Variants in TMC1 observed in about 807,000 individuals in gnomAD.
The protein encoded by TMC1 is transmembrane channel-like protein 1.
TMC1 carries 84 observed loss-of-function variants against 105.8 expected under a neutral mutation model. The ratio of observed to expected loss-of-function variants is 0.79; its 90% CI spans 0.67 to 0.95. The LOEUF (loss-of-function observed/expected upper bound fraction) is 0.95. Ranked by LOEUF, TMC1 falls within the 40% of genes least tolerant of loss-of-function variation. TMC1 has a pLI of 0.00. For synonymous variants in TMC1, 315 were observed against 311.5 expected (o/e 1.01, Z -0.12); for missense variants, 817 against 914.1 (o/e 0.89, Z 1.37).
chr9:72,709,999 G>C (rs1449041586), intron 8 of TMC1, among the ~76,000 whole-genome samples: 1 of 151,974 alleles, frequency 6.6e-6, no homozygotes, highest in Non-Finnish European at 1.5e-5. Context: ...TTAATGCTAT[G>C]AACTTTTAGC....
At position 72,627,884 on chromosome 9, in the gene TMC1, A is replaced by G. The variant is rs905124830; in HGVS notation, c.-195-37A>G. The G allele has an allele frequency of 2.4e-5, 9 of 374,300 alleles. No homozygotes were observed. The Admixed American group carries it at 3.3e-4, about 14-fold the overall frequency. 23.2% of individuals were successfully genotyped at this position (374,300 alleles called of 1,614,324 possible). ...AGTTGAAAAGGTACTATTATTTTTA[A>G]AAATCTGTATTGGATTTTTTTTTTT... On this transcript the variant is annotated intron_variant, in intron 3 of 23. Coordinates refer to ENST00000297784, the MANE Select transcript of TMC1 (RefSeq NM_138691.3).
intron 1 of TMC1, among the ~76,000 whole-genome samples, chr9:72,542,238 A>T (rs887521347): frequency 1.3e-5 from 2 of 152,092 alleles, no homozygotes; most frequent in South Asian, 2.1e-4. Flanking sequence ...AGGTGGGAGG[A>T]TCACCTGAGG....
At chr9:72,575,089 T>A (rs1019500020) in intron 1 of TMC1, among the ~76,000 whole-genome samples, 1 of 152,232 alleles carries the variant, frequency 6.6e-6, no homozygotes, top group African/African-American at 2.4e-5. Context: ...TCCATCTTTC[T>A]ACTTATATAG....
At chr9:72,780,425 G>A (rs2118152298) in intron 13 of TMC1, among the ~76,000 whole-genome samples, 1 of 152,248 alleles carries the variant, frequency 6.6e-6, no homozygotes, top group African/African-American at 2.4e-5. Context: ...AACCTTAAAT[G>A]TAAACGGGCT....
chr9:72,549,443 G>GT lies in TMC1; in HGVS notation c.-428+27540dup, dbSNP rs911845896. Among the ~76,000 whole-genome samples the GT allele has an allele frequency of 9.3e-3, 1,367 of 147,586 alleles. 10 individuals carry two copies. The highest frequency in any genetic ancestry group is 0.024 in the African/African-American group (947 of 40,294). On this transcript the variant is annotated intron_variant, in intron 1 of 23. Coordinates refer to ENST00000297784, the MANE Select transcript of TMC1 (RefSeq NM_138691.3). ...AGTCTAGCCATATTAAATTTTATGTGTTTTTTTTTTCTTTTTTGAGACTGA... is the reference window on the plus strand; with the variant it reads ...AGTCTAGCCATATTAAATTTTATGTGTTTTTTTTTTTCTTTTTTGAGACTGA...
At chr9:72,793,909 C>G (rs1828319555) in intron 17 of TMC1, among the ~76,000 whole-genome samples, 1 of 152,128 alleles carries the variant, frequency 6.6e-6, no homozygotes, top group Non-Finnish European at 1.5e-5. Flanking sequence ...TGGACAGGAT[C>G]CCCAGGGGCA....
chr9:72,550,525 G>C (rs1823843741), intron 1 of TMC1, among the ~76,000 whole-genome samples: 1 of 150,928 alleles, frequency 6.6e-6, no homozygotes, highest in African/African-American at 2.4e-5. Context: ...GGGCAAGCTG[G>C]CGGGCGCCTG....
Position 72,702,595 on chromosome 9 carries a change from G to C in TMC1, c.362+1952G>C, listed in dbSNP as rs78563028. Among the ~76,000 whole-genome samples the C allele has an allele frequency of 5.0e-3, 754 of 152,130 alleles. 3 individuals carry two copies. Among genetic ancestry groups the C allele is most frequent in the South Asian group, 0.015 (72 of 4,798 alleles). On this transcript the variant is annotated intron_variant, in intron 8 of 23. Coordinates refer to ENST00000297784, the MANE Select transcript of TMC1 (RefSeq NM_138691.3). ...ATGCCCAATTCCTGAAGGGTGACAAGAGAGATGGAGAGAATTTGGGACCTG... is the reference window on the plus strand; with the variant it reads ...ATGCCCAATTCCTGAAGGGTGACAACAGAGATGGAGAGAATTTGGGACCTG...
intron 3 of TMC1, among the ~76,000 whole-genome samples, chr9:72,623,690 C>T (rs6560303): frequency 0.56 from 85,281 of 151,868 alleles, 25,258 homozygotes; most frequent in African/African-American, 0.77. Context: ...GCTGTTAGTG[C>T]TGTGTGTATT....
chr9:72,825,640 G>T (rs994944568), intron 20 of TMC1, among the ~76,000 whole-genome samples: 1 of 152,160 alleles, frequency 6.6e-6, no homozygotes, highest in Non-Finnish European at 1.5e-5. Context: ...GGAGAAGGGA[G>T]GATAGATGGT....
chr9:72,728,129 T>G (rs1463187100), intron 8 of TMC1, among the ~76,000 whole-genome samples: 1 of 152,110 alleles, frequency 6.6e-6, no homozygotes, highest in Non-Finnish European at 1.5e-5. Flanking sequence ...TATATCCCTC[T>G]TATTCATGGG....
chr9:72,640,365 C>G (rs56209285), intron 4 of TMC1, among the ~76,000 whole-genome samples: 15,555 of 152,212 alleles, frequency 0.1, 827 homozygotes, highest in Non-Finnish European at 0.13. Context: ...TGCAAAGGCT[C>G]CAGTGTAGTC....
rs141939285 is a variant in TMC1, at chr9:72,592,146, T to C, written c.-306+14123T>C. 1.2e-3 allele frequency among the ~76,000 whole-genome samples: 180 copies of C among 152,296 alleles called. 3 individuals are homozygous for C. In the East Asian group the frequency reaches 0.033, roughly 28 times the overall value. ...AGGGTAAAGGACAACTCCAGGACTC[T>C]TACAGTTTTCTGAATTTCACAACTA... On this transcript the variant is annotated intron_variant, in intron 2 of 23. Coordinates refer to ENST00000297784, the MANE Select transcript of TMC1 (RefSeq NM_138691.3).
chr9:72,551,487 C>T (rs965133038), intron 1 of TMC1, among the ~76,000 whole-genome samples: 1 of 152,198 alleles, frequency 6.6e-6, no homozygotes, highest in Non-Finnish European at 1.5e-5. Flanking sequence ...CTCCTTCCCC[C>T]TGTTGAGTTG....
chr9:72,723,618 A>G (rs753632572), intron 8 of TMC1, among the ~76,000 whole-genome samples: 1 of 152,214 alleles, frequency 6.6e-6, no homozygotes, highest in African/African-American at 2.4e-5. Flanking sequence ...AATGCCTTTC[A>G]AATAATATTT....
intron 1 of TMC1, among the ~76,000 whole-genome samples, chr9:72,545,203 TA>T (rs1823747239): frequency 6.6e-6 from 1 of 151,912 alleles, no homozygotes; most frequent in African/African-American, 2.4e-5. Flanking sequence ...TATACACATA[TA>T]TATATATGTC....
chr9:72,640,475 C>A (rs1343950731), intron 4 of TMC1, among the ~76,000 whole-genome samples: 1 of 152,168 alleles, frequency 6.6e-6, no homozygotes, highest in Non-Finnish European at 1.5e-5. Flanking sequence ...GGGACATGCA[C>A]TTAAGATAGG....
intron 2 of TMC1, among the ~76,000 whole-genome samples, chr9:72,611,103 C>G (rs938843079): frequency 3.9e-5 from 6 of 152,168 alleles, no homozygotes; most frequent in Non-Finnish European, 7.3e-5. Flanking sequence ...TGTATGGAAA[C>G]TACTTATTTA....
At chr9:72,532,836 T>A (rs924227618) in intron 1 of TMC1, among the ~76,000 whole-genome samples, 1 of 152,190 alleles carries the variant, frequency 6.6e-6, no homozygotes, top group Non-Finnish European at 1.5e-5. Flanking sequence ...CTGATGAGAC[T>A]AAATTTTCCA....
Sources: allele counts gnomAD v4.1 joint callset (sites outside exome capture counted in the v4.1 genomes callset), GRCh38; gene constraint gnomAD v4.1.1; transcripts MANE v1.5; gene names NCBI Gene and HGNC (gene_info 2026-07-23, HGNC 2026-07-21).